GPR35: variants seen among roughly 807,000 people sequenced by gnomAD.
The protein encoded by GPR35 is G protein-coupled receptor 35.
For missense variants in GPR35, 372 were observed against 422.5 expected, an observed-to-expected ratio of 0.88 and a Z score of 1.05; for synonymous variants, 207 against 198.4, an observed-to-expected ratio of 1.04 and a Z score of -0.36.
At chr2:240,621,846 G>C (rs2043299434), upstream of GPR35, among the ~76,000 whole-genome samples, 2 of 152,288 alleles carry the variant, frequency 1.3e-5, no homozygotes, top group South Asian at 4.1e-4. Context: ...AAGCTAAACT[G>C]TGCCTAACAT....
At chr2:240,606,967 A>G (rs1439919572) in intron 2 of GPR35, among the ~76,000 whole-genome samples, 1 of 151,568 alleles carries the variant, frequency 6.6e-6, no homozygotes, top group Non-Finnish European at 1.5e-5. Context: ...CCAACTAAAA[A>G]GTTGTTGCAG....
At chr2:240,617,457 C>T in intron 4 of GPR35, 1 of 549,844 alleles carries the variant, frequency 1.8e-6, no homozygotes, top group Non-Finnish European at 3.3e-6. Flanking sequence ...ATAATTAACC[C>T]TAATGCTAGT....
At position 240,630,568 on chromosome 2, in the gene GPR35, G is replaced by T; in HGVS notation, c.616G>T (p.Val206Leu). 6.2e-7 allele frequency: 1 copy of T among 1,612,798 alleles called. No individual in the cohort carries two copies. Among genetic ancestry groups the T allele is most frequent in the Non-Finnish European group, 8.5e-7 (1 of 1,179,898 alleles). ...TALAQRPPTD[V>L]GQAEATRKAA... ...CCTGGCCCAGAGGCCACCCACCGAC[G>T]TGGGGCAGGCAGAGGCCACCCGCAA... Residue 206 changes from valine (V) to leucine (L), a missense_variant, in exon 2 of 2, where the codon GTG (valine) becomes TTG (leucine). Coordinates refer to ENST00000407714, the MANE Select transcript of GPR35 (RefSeq NM_005301.5).
intron 2 of GPR35, chr2:240,607,598 T>C (rs1432560639): frequency 6.6e-6 from 1 of 152,192 alleles, no homozygotes; most frequent in African/African-American, 2.4e-5. Context: ...TGCTTGTAAA[T>C]GGTATTGTAT....
upstream of GPR35, among the ~76,000 whole-genome samples, chr2:240,623,203 A>T (rs1020502080): frequency 6.6e-6 from 1 of 152,256 alleles, no homozygotes; most frequent in Admixed American, 6.5e-5. Context: ...GGCAGGAAGC[A>T]GATAGAGTCC....
In GPR35 at chr2:240,629,966, A is replaced by ACAACACCTGTGG. The variant is rs751556916; in HGVS notation, c.16_27dup (p.Asn6_Gly9dup). 6.2e-7 allele frequency: 1 copy of ACAACACCTGTGG among 1,604,616 alleles called. No individual in the cohort carries two copies. The highest frequency in any genetic ancestry group is 8.5e-7 in the Non-Finnish European group (1 of 1,173,280). On this transcript the variant is annotated inframe_insertion, in exon 2 of 2. Transcript: ENST00000407714. ...TGCCCCAGGACCATGAATGGCACCT[A>ACAACACCTGTGG]CAACACCTGTGGCTCCAGCGACCTC...
chr2:240,616,860 C>A, intron 3 of GPR35: 1 of 719,036 alleles, frequency 1.4e-6, no homozygotes, highest in South Asian at 1.5e-5. Context: ...AGCCAGATGC[C>A]ATGCTGTGTG....
intron 1 of GPR35, chr2:240,629,138 G>C (rs2043410249): frequency 6.6e-6 from 1 of 152,500 alleles, no homozygotes; most frequent in Non-Finnish European, 1.5e-5. Context: ...GTGGAGGGGT[G>C]ACTTTGTGGG....
At chr2:240,613,603 C>A (rs576361989) in intron 2 of GPR35, among the ~76,000 whole-genome samples, 1 of 152,024 alleles carries the variant, frequency 6.6e-6, no homozygotes, top group African/African-American at 2.4e-5. Context: ...CAGGCAGAAC[C>A]GAACCTAACT....
In GPR35 at chr2:240,631,174, T is replaced by G; in HGVS notation, c.*292T>G. The G allele has an allele frequency of 2.1e-6, 1 of 466,204 alleles. No homozygotes were observed. The highest frequency in any genetic ancestry group is 4.0e-6 in the Non-Finnish European group (1 of 249,508). 28.9% of individuals were successfully genotyped at this position (466,204 alleles called of 1,614,324 possible). The stretch of plus-strand genomic sequence containing the variant: ...AACCAGCTCACCTGGCCAGAGTGGG[T>G]TCCTGCTGGCCAGGGTGCAGCCTTG... On this transcript the variant is annotated 3_prime_UTR_variant, in exon 2 of 2. Transcript: ENST00000407714.
chr2:240,631,108 CAG>C lies in GPR35; in HGVS notation c.*230_*231del. On this transcript the variant is annotated 3_prime_UTR_variant, in exon 2 of 2. Transcript: ENST00000407714. ...ACTGAGGCCAGAGCAAGGCCAATGT[CAG>C]AGACCCCCGGGATGGGGCCTCACAC... is the stretch of plus-strand genomic sequence containing the variant. 3.4e-6 allele frequency: 2 copies of C among 582,174 alleles called. No individual in the cohort carries two copies. The highest frequency in any genetic ancestry group is 4.5e-5 in the South Asian group (2 of 44,212). 36.1% of individuals were successfully genotyped at this position (582,174 alleles called of 1,614,324 possible).
In GPR35 at chr2:240,617,327, G is replaced by A. The variant is rs912495331; in HGVS notation, c.-215G>A. The A allele has an allele frequency of 5.7e-6, 4 of 697,022 alleles. No individual in the cohort carries two copies. The Admixed American group carries it at 8.3e-5, about 14-fold the overall frequency. 43.2% of individuals were successfully genotyped at this position (697,022 alleles called of 1,614,324 possible). ...TGAGCAGAGGACCCAGTTTGGCAGA[G>A]CCCGAATTCCTGACCCACAGGAACT... On this transcript the variant is annotated 5_prime_UTR_variant, in exon 4 of 6. Coordinates refer to the GPR35 transcript ENST00000319838.
rs150756160 is a variant in GPR35 at position 240,633,007 on chromosome 2, T to C, written c.*2125T>C. Reference sequence around the variant, plus strand: ...GAGTTCTCATGAGATCTGATGGTTTTATAAGGGGCTCTTCCCTTCACTTCT... The same window carrying C: ...GAGTTCTCATGAGATCTGATGGTTTCATAAGGGGCTCTTCCCTTCACTTCT... On this transcript the variant is annotated 3_prime_UTR_variant, in exon 2 of 2. Coordinates refer to ENST00000407714, the MANE Select transcript of GPR35 (RefSeq NM_005301.5). 9.6e-4 allele frequency among the ~76,000 whole-genome samples: 146 copies of C among 152,346 alleles called. 1 individual carries two copies. The highest frequency in any genetic ancestry group is 6.8e-3 in the Middle Eastern group (2 of 294).
rs1385585739 is a variant in GPR35, at chr2:240,631,744, C to T, written c.*862C>T. On this transcript the variant is annotated 3_prime_UTR_variant, in exon 2 of 2. Transcript: ENST00000407714. ...GGTTTCTGCCTCTCCTGTACTCCTG[C>T]ATGGAGGGCATCTCGAAACCCAAGC... is the stretch of plus-strand genomic sequence containing the variant. Among the ~76,000 whole-genome samples the T allele has an allele frequency of 2.0e-5, 3 of 152,210 alleles. No individual in the cohort carries two copies. Among genetic ancestry groups the T allele is most frequent in the Non-Finnish European group, 2.9e-5 (2 of 68,034 alleles).
intron 2 of GPR35, among the ~76,000 whole-genome samples, chr2:240,613,736 C>T (rs567590019): frequency 2.6e-5 from 4 of 152,028 alleles, no homozygotes; most frequent in African/African-American, 9.7e-5. Context: ...AACAATGCCT[C>T]ATATGGACCC....
chr2:240,626,669 G>T (rs1215326134), intron 1 of GPR35, among the ~76,000 whole-genome samples: 1 of 152,170 alleles, frequency 6.6e-6, no homozygotes, highest in Non-Finnish European at 1.5e-5. Flanking sequence ...GCCCCATCCT[G>T]GGTCCTGGGG....
intron 2 of GPR35, among the ~76,000 whole-genome samples, chr2:240,611,622 C>G (rs1218352395): frequency 2.6e-5 from 4 of 152,154 alleles, no homozygotes; most frequent in African/African-American, 2.4e-5. Flanking sequence ...AGGAACCACT[C>G]TCTGAGATGG....
In GPR35 at chr2:240,630,524, C is replaced by T. The variant is rs747717535; in HGVS notation, c.572C>T (p.Ser191Phe). ...YLPLAVVVFC[S>F]LKVVTALAQR... The stretch of plus-strand genomic sequence containing the variant: ...CCCCTGGCCGTGGTGGTCTTCTGCT[C>T]CCTGAAGGTGGTGACTGCCCTGGCC... Residue 191 changes from serine (S) to phenylalanine (F), a missense_variant, in exon 2 of 2, where the codon TCC becomes TTC. Transcript: ENST00000407714. 15 of 1,612,812 alleles carry T rather than the reference C, an allele frequency of 9.3e-6. No individual in the cohort carries two copies. Among genetic ancestry groups the T allele is most frequent in the Admixed American group, 1.7e-5 (1 of 60,006 alleles).
chr2:240,626,647 G>A (rs1028063419), intron 1 of GPR35, among the ~76,000 whole-genome samples: 21 of 152,154 alleles, frequency 1.4e-4, no homozygotes, highest in Admixed American at 1.2e-3. Context: ...TGGTGAACTC[G>A]TGTCACTCAC....
Sources: gnomAD v4.1 joint callset for allele counts (sites outside exome capture counted in the v4.1 genomes callset) on GRCh38, gnomAD v4.1.1 for gene constraint, MANE v1.5 for transcripts, NCBI Gene and HGNC (gene_info 2026-07-23, HGNC 2026-07-21) for gene names.